Variants in MYO7A observed in about 807,000 individuals in gnomAD.
The protein encoded by MYO7A is myosin VIIA, also known as unconventional myosin-VIIa.
MYO7A carries 210 observed loss-of-function variants against 263.8 expected under a neutral mutation model. The observed-to-expected ratio is 0.80, with a 90% CI of 0.71 to 0.89. The LOEUF is 0.89. MYO7A is among the 40% of genes least tolerant of loss of function. MYO7A has a pLI of 0.00. For synonymous variants in MYO7A, 1,239 were observed against 1,197.3 expected (o/e 1.03, Z -0.72); for missense variants, 2,820 against 2,968.3 (o/e 0.95, Z 1.16).
rs755008915 is a variant in MYO7A, at chr11:77,208,811, C to T, written c.6051+8C>T. The T allele has an allele frequency of 6.5e-7, 1 of 1,538,180 alleles. No individual in the cohort carries two copies. The highest frequency in any genetic ancestry group is 1.2e-5 in the South Asian group (1 of 83,920). On this transcript the variant is annotated splice_region_variant and intron_variant, in intron 44 of 48. Transcript: ENST00000409709. The stretch of plus-strand genomic sequence containing the variant: ...ATCTTCCACTATTACCAGGTGGGCA[C>T]CTCTGCACTCTAGTTGCCTTCGTGC...
chr11:77,151,150 C>T (rs1951931241), intron 4 of MYO7A, among the ~76,000 whole-genome samples: 1 of 152,206 alleles, frequency 6.6e-6, no homozygotes, highest in Admixed American at 6.5e-5. Flanking sequence ...AGGAAAGGCC[C>T]TCAGAGAACA....
chr11:77,190,353 G>T (rs552650205), intron 29 of MYO7A, among the ~76,000 whole-genome samples: 1 of 152,186 alleles, frequency 6.6e-6, no homozygotes, highest in African/African-American at 2.4e-5. Context: ...CTGGCCTTAC[G>T]GTCAAGACGA....
At chr11:77,160,110 G>A in intron 10 of MYO7A, 53 bp from the exon 11 acceptor site, 4 of 1,534,150 alleles carry the variant, frequency 2.6e-6, no homozygotes, top group Non-Finnish European at 3.5e-6. Flanking sequence ...CCGGGTGTGG[G>A]TGGAGGGAGG....
Position 77,201,609 on chromosome 11 carries a change from A to T in MYO7A, c.5014A>T (p.Thr1672Ser). ...CACCGACAGTGTGTACGTCATGCCC[A>T]CTGTCACCATGCCACCGCGGGAGAT... The part of the protein sequence containing the change: ...FPTDSVYVMP[T>S]VTMPPREIVA... Residue 1672 changes from threonine to serine, a missense_variant, in exon 36 of 49, where the codon ACT (threonine) becomes TCT (serine). By Grantham distance (58) the Thr-to-Ser change is moderately conservative. Coordinates refer to ENST00000409709, the MANE Select transcript of MYO7A (RefSeq NM_000260.4). 6.2e-7 allele frequency: 1 copy of T among 1,613,762 alleles called. No individual in the cohort carries two copies. Among genetic ancestry groups the T allele is most frequent in the Non-Finnish European group, 8.5e-7 (1 of 1,179,766 alleles).
At chr11:77,177,458 C>A in intron 18 of MYO7A, 91 bp from the exon 19 acceptor site, 1 of 1,043,720 alleles carries the variant, frequency 9.6e-7, no homozygotes, top group South Asian at 1.4e-5. Flanking sequence ...GACCTGTGCT[C>A]CCAGTGAAGG....
In MYO7A at chr11:77,190,024, T is replaced by C; in HGVS notation, c.3635T>C (p.Leu1212Pro). 1 of 1,549,152 alleles carries C rather than the reference T, an allele frequency of 6.5e-7. No homozygotes were observed. The highest frequency in any genetic ancestry group is 8.7e-7 in the Non-Finnish European group (1 of 1,146,664). The change falls in exon 29 of 49, where the codon CTG (leucine) becomes CCG (proline). Residue 1212 changes from leucine to proline, a missense_variant. Transcript: ENST00000409709. ...CAGCGGGTACTCTGGCTGCAGTACCTGCGGAACTTCATCCACGGGGGCCCG... is the reference window on the plus strand; with the variant it reads ...CAGCGGGTACTCTGGCTGCAGTACCCGCGGAACTTCATCCACGGGGGCCCG... ...FAPSEKFVKY[L>P]RNFIHGGPPG...
chr11:77,203,673 G>A (rs760650405), intron 38 of MYO7A, among the ~76,000 whole-genome samples: 3 of 152,142 alleles, frequency 2.0e-5, no homozygotes, highest in Non-Finnish European at 4.4e-5. Flanking sequence ...GAGAGAGGGA[G>A]CAGCAGCAAG....
At chr11:77,148,021 G>A in intron 4 of MYO7A, 71 bp downstream of exon 4, 5 of 1,188,092 alleles carry the variant, frequency 4.2e-6, no homozygotes, top group Non-Finnish European at 1.1e-6. Context: ...GCCCCACCCC[G>A]CCCGACTTGC....
intron 28 of MYO7A, 60 bp downstream of exon 28, chr11:77,189,530 T>C: frequency 1.9e-6 from 3 of 1,600,844 alleles, no homozygotes; most frequent in Non-Finnish European, 1.7e-6. Flanking sequence ...CCCAGCACTG[T>C]GGGGAGAGCA....
chr11:77,184,030 G>A lies in MYO7A; in HGVS notation c.3376-558G>A, dbSNP rs897465177. On this transcript the variant is annotated intron_variant, in intron 26 of 48. Coordinates refer to ENST00000409709, the MANE Select transcript of MYO7A (RefSeq NM_000260.4). Reference sequence around the variant, plus strand: ...CCTGTCTGCACCACCCACTCCTGCCGCTCGCCTCTCACTCACCCTACATCC... The same window carrying A: ...CCTGTCTGCACCACCCACTCCTGCCACTCGCCTCTCACTCACCCTACATCC... Among the ~76,000 whole-genome samples, 10 of 152,268 alleles carry A rather than the reference G, an allele frequency of 6.6e-5. No homozygotes were observed. The South Asian group carries it at 1.0e-3, about 16-fold the overall frequency.
At position 77,138,021 on chromosome 11, in the gene MYO7A, C is replaced by CT; in HGVS notation, c.19-4688_19-4687insT. Among the ~76,000 whole-genome samples, 1 of 152,206 alleles carries CT rather than the reference C, an allele frequency of 6.6e-6. No homozygotes were observed. Among genetic ancestry groups the CT allele is most frequent in the African/African-American group, 2.4e-5 (1 of 41,452 alleles). On this transcript the variant is annotated intron_variant, in intron 2 of 48. Coordinates refer to ENST00000409709, the MANE Select transcript of MYO7A (RefSeq NM_000260.4). This position sits in a 1 kb window ranked among gnomAD's most constrained non-coding sequence, Gnocchi z 4.9. ...AACATGACGATTTTTTCCAAAACTG[C>CT]CGTCAGGTGCGGTGCCAGGTGCCAC...
intron 2 of MYO7A, chr11:77,142,444 C>T: frequency 1.9e-6 from 1 of 518,162 alleles, no homozygotes; most frequent in Admixed American, 2.3e-5. Flanking sequence ...CTTTGAGAGG[C>T]CTTGGCTCTC....
At chr11:77,191,837 G>A (rs1441092127) in intron 30 of MYO7A, among the ~76,000 whole-genome samples, 5 of 152,224 alleles carry the variant, frequency 3.3e-5, no homozygotes, top group South Asian at 2.1e-4. Flanking sequence ...GAATTCCCAC[G>A]TCACCGTGCC....
At chr11:77,159,411 T>A in intron 9 of MYO7A, 36 bp from the exon 10 acceptor site, 72 of 448,012 alleles carry the variant, frequency 1.6e-4, no homozygotes, top group Non-Finnish European at 2.8e-4. Flanking sequence ...TTGCCCACCC[T>A]CCCTCCCCTG....
At chr11:77,189,189 G>A (rs2135548245) in intron 27 of MYO7A, among the ~76,000 whole-genome samples, 155 bp from the exon 28 acceptor site, 1 of 152,288 alleles carries the variant, frequency 6.6e-6, no homozygotes, top group African/African-American at 2.4e-5. Context: ...CCTTGGCTCA[G>A]CCCTGCCACC....
At chr11:77,205,671 C>T (rs576496785) in intron 40 of MYO7A, 54 bp downstream of exon 40, 105 of 1,604,348 alleles carry the variant, frequency 6.5e-5, no homozygotes, top group African/African-American at 8.0e-5. Flanking sequence ...CCTGGCCACG[C>T]GGGGCTTGTG....
chr11:77,207,503 A>C (rs1190848275), intron 42 of MYO7A, 101 bp downstream of exon 42: 2 of 895,368 alleles, frequency 2.2e-6, no homozygotes, highest in East Asian at 5.3e-5. Flanking sequence ...AGAGAGGGGA[A>C]GAGGGCACTG....
intron 31 of MYO7A, among the ~76,000 whole-genome samples, chr11:77,193,051 G>GGTGATGGTGTTGATGGTGGGGAGGTA (rs1565443387): frequency 0.16 from 13,196 of 84,112 alleles, 4,277 homozygotes; most frequent in Non-Finnish European, 0.18. Context: ...TGGTGGAGGT[G>GGTGATGGTGTTGATGGTGGGGAGGTA]GTGATGGTGT....
chr11:77,177,494 C>A, intron 18 of MYO7A, 55 bp from the exon 19 acceptor site: 1 of 1,359,966 alleles, frequency 7.4e-7, no homozygotes, highest in Non-Finnish European at 1.0e-6. Context: ...TGGGACTGAG[C>A]AGGTGGTCCT....
Sources: gnomAD v4.1 joint callset for allele counts (sites outside exome capture counted in the v4.1 genomes callset) on GRCh38, gnomAD v4.1.1 for gene constraint, Gnocchi (gnomAD v3.1) non-coding constraint, MANE v1.5 for transcripts, NCBI Gene and HGNC (gene_info 2026-07-23, HGNC 2026-07-21) for gene names.